The following LAMA2 variants were observed in gnomAD, a reference collection of about 807,000 sequenced individuals.
The protein encoded by LAMA2 is laminin subunit alpha 2, also known as laminin subunit alpha-2.
LAMA2 carries 269 observed loss-of-function variants against 364.8 expected under a neutral mutation model. The ratio of observed to expected loss-of-function variants is 0.74; its 90% CI spans 0.67 to 0.82. LAMA2 has a LOEUF of 0.82. LAMA2 is among the 40% of genes least tolerant of loss of function. The pLI is 0.00. For missense variants in LAMA2, 3,807 were observed against 3,873.2 expected (o/e 0.98, Z 0.45); for synonymous variants, 1,379 against 1,370.6 (o/e 1.01, Z -0.14).
At position 129,120,773 on chromosome 6, in the gene LAMA2, G is replaced by A. The variant is rs1389145318; in HGVS notation, c.639+22358G>A. ...AATCTTCAAGGAAATTAATATCCTCGGGTATACACAACCTTTTGCTGTGGT... is the reference window on the plus strand; with the variant it reads ...AATCTTCAAGGAAATTAATATCCTCAGGTATACACAACCTTTTGCTGTGGT... On this transcript the variant is annotated intron_variant, in intron 4 of 64. Coordinates refer to ENST00000421865, the MANE Select transcript of LAMA2 (RefSeq NM_000426.4). Among the ~76,000 whole-genome samples, 22 of 152,176 alleles carry A rather than the reference G, an allele frequency of 1.4e-4. No homozygotes were observed. In the East Asian group the frequency reaches 2.5e-3, roughly 17 times the overall value.
At chr6:129,201,396 G>T (rs1286271172) in intron 12 of LAMA2, among the ~76,000 whole-genome samples, 1 of 152,242 alleles carries the variant, frequency 6.6e-6, no homozygotes, top group Non-Finnish European at 1.5e-5. Context: ...AAGAGAAACC[G>T]GAGTACTGAG....
chr6:129,024,780 T>C (rs972033381), intron 1 of LAMA2, among the ~76,000 whole-genome samples: 34 of 152,088 alleles, frequency 2.2e-4, no homozygotes, highest in African/African-American at 8.2e-4. Flanking sequence ...AGTATGCTTA[T>C]GGTCAGTCAG....
At position 129,464,906 on chromosome 6, in the gene LAMA2, G is replaced by A. The variant is rs372112265; in HGVS notation, c.7156-239G>A. On this transcript the variant is annotated intron_variant, in intron 50 of 64. Transcript: ENST00000421865. Reference sequence around the variant, plus strand: ...GTTTTCAAATGAACTCACATTTTACGACTGTAATAAAAGGATATGTCTTAG... The same window carrying A: ...GTTTTCAAATGAACTCACATTTTACAACTGTAATAAAAGGATATGTCTTAG... Among the ~76,000 whole-genome samples, 21 of 151,946 alleles carry A rather than the reference G, an allele frequency of 1.4e-4. No homozygotes were observed. In the East Asian group the frequency reaches 1.9e-3, roughly 14 times the overall value.
intron 3 of LAMA2, among the ~76,000 whole-genome samples, chr6:129,080,672 G>A (rs1256910382): frequency 6.6e-6 from 1 of 152,184 alleles, no homozygotes; most frequent in Non-Finnish European, 1.5e-5. Flanking sequence ...TCAGAGAAAT[G>A]CAAATCAAAA....
intron 2 of LAMA2, among the ~76,000 whole-genome samples, chr6:129,050,634 T>C (rs926356357): frequency 1.3e-5 from 2 of 151,520 alleles, no homozygotes; most frequent in African/African-American, 4.9e-5. Context: ...GATAAACAGG[T>C]AAAGAGGTGA....
chr6:129,065,656 T>C (rs533600683), intron 3 of LAMA2, among the ~76,000 whole-genome samples: 9 of 152,216 alleles, frequency 5.9e-5, no homozygotes, highest in South Asian at 2.1e-4. Context: ...CCATTCACCA[T>C]AGCTAAAAGA....
chr6:129,090,314 C>T (rs888189337), intron 3 of LAMA2, among the ~76,000 whole-genome samples: 4 of 152,118 alleles, frequency 2.6e-5, no homozygotes, highest in Admixed American at 6.5e-5. Flanking sequence ...ATGTATTACT[C>T]GCTTTGTAAC....
At chr6:128,919,009 A>T (rs1163060146) in intron 1 of LAMA2, among the ~76,000 whole-genome samples, 1 of 152,154 alleles carries the variant, frequency 6.6e-6, no homozygotes, top group African/African-American at 2.4e-5. Flanking sequence ...CCTGGTACAA[A>T]TTCAGTTCCC....
intron 20 of LAMA2, among the ~76,000 whole-genome samples, chr6:129,293,465 GC>G (rs1269768741): frequency 2.0e-5 from 3 of 152,116 alleles, no homozygotes; most frequent in Non-Finnish European, 2.9e-5. Context: ...AGAAAACTCA[GC>G]CCATTTATCA....
intron 12 of LAMA2, among the ~76,000 whole-genome samples, chr6:129,198,236 T>C (rs2115045282): frequency 1.5e-5 from 2 of 131,996 alleles, no homozygotes; most frequent in East Asian, 3.9e-4. Context: ...ATATTATTAT[T>C]AAATATTATT....
chr6:129,050,098 T>C lies in LAMA2; in HGVS notation c.283+10T>C, dbSNP rs1032251508. 1 of 1,613,944 alleles carries C rather than the reference T, an allele frequency of 6.2e-7. No individual in the cohort carries two copies. Among genetic ancestry groups the C allele is most frequent in the African/African-American group, 1.3e-5 (1 of 74,902 alleles). ...AGCAGCAATCCAAACCGTATGTATT[T>C]TAGTGTGTAGGTGTGTGGCGCTGGG... On this transcript the variant is annotated intron_variant, in intron 2 of 64. Transcript: ENST00000421865.
At chr6:129,157,464 C>A in intron 8 of LAMA2, 6 of 1,588,050 alleles carry the variant, frequency 3.8e-6, no homozygotes, top group Non-Finnish European at 5.2e-6. Flanking sequence ...TAATTCCACC[C>A]ATGCCATGGG....
chr6:129,064,092 TTACTGATTAAAGGATGTGTTG>T, intron 3 of LAMA2, among the ~76,000 whole-genome samples: 1 of 152,064 alleles, frequency 6.6e-6, no homozygotes, highest in East Asian at 1.9e-4. Context: ...TGATTCCTGA[TTACTGATTAAAGGATGTGTTG>T]TACAAGGAGG....
At chr6:129,269,519 T>A (rs955177544) in intron 16 of LAMA2, among the ~76,000 whole-genome samples, 16 of 152,042 alleles carry the variant, frequency 1.1e-4, no homozygotes, top group African/African-American at 3.4e-4. Context: ...AAATCAATAA[T>A]TGGAAATAAA....
chr6:129,407,897 A>T (rs1331890029), intron 40 of LAMA2, among the ~76,000 whole-genome samples: 1 of 152,162 alleles, frequency 6.6e-6, no homozygotes, highest in Non-Finnish European at 1.5e-5. Context: ...GGAATAGTAG[A>T]CTGATTTCAC....
chr6:128,933,317 CTGATGGATACTTAGGCCATTTATTTATCT>C (rs1365704801), intron 1 of LAMA2, among the ~76,000 whole-genome samples: 18 of 151,758 alleles, frequency 1.2e-4, no homozygotes, highest in African/African-American at 4.1e-4. Context: ...CATTCATTCA[CTGATGGATACTTAGGCCATTTATTTATCT>C]TGACTGTTGT....
At chr6:129,239,385 A>T (rs908888149) in intron 12 of LAMA2, among the ~76,000 whole-genome samples, 5 of 152,230 alleles carry the variant, frequency 3.3e-5, no homozygotes, top group African/African-American at 1.2e-4. Context: ...TGTACCCTAT[A>T]TAAGCTTTAG....
Position 129,231,123 on chromosome 6 carries a change from A to AT in LAMA2, c.1783-18982dup, listed in dbSNP as rs528397881. ...GCATTTCCTTCTTTTTTAGAATGGA[A>AT]TTTTTTTCTATATGTTCCCCAAAGC... is the stretch of plus-strand genomic sequence containing the variant. On this transcript the variant is annotated intron_variant, in intron 12 of 64. Transcript: ENST00000421865. Among the ~76,000 whole-genome samples the AT allele has an allele frequency of 9.2e-5, 14 of 152,134 alleles. No homozygotes were observed. In the East Asian group the frequency reaches 1.5e-3, roughly 17 times the overall value.
At chr6:129,150,037 C>A (rs1016002833) in intron 7 of LAMA2, among the ~76,000 whole-genome samples, 6 of 152,090 alleles carry the variant, frequency 3.9e-5, no homozygotes, top group African/African-American at 1.4e-4. Context: ...TGAGATTCTG[C>A]ATATATGCTA....
Sources: gnomAD v4.1 joint callset for allele counts (sites outside exome capture counted in the v4.1 genomes callset) on GRCh38, gnomAD v4.1.1 for gene constraint, MANE v1.5 for transcripts, NCBI Gene and HGNC (gene_info 2026-07-23, HGNC 2026-07-21) for gene names.